THOC5: variants seen among roughly 807,000 people sequenced by gnomAD.
THOC5 encodes the protein THO complex subunit 5, also known as Fms-interacting protein.
Under a neutral mutation model 92.9 loss-of-function variants are expected in THOC5, and 43 were observed. The ratio of observed to expected loss-of-function variants is 0.46; its 90% CI spans 0.36 to 0.60. The LOEUF is 0.60. Among genes scored for constraint, THOC5 ranks in the 20% least tolerant of loss-of-function variants. The pLI is 0.00. For synonymous variants in THOC5, 296 were observed against 320.1 expected, an observed-to-expected ratio of 0.92 and a Z score of 0.80; for missense variants, 659 against 849.4, an observed-to-expected ratio of 0.78 and a Z score of 2.79.
Position 29,523,087 on chromosome 22 carries a change from C to G in THOC5, c.1176-1988G>C, listed in dbSNP as rs925127583. 3.5e-4 allele frequency among the ~76,000 whole-genome samples: 53 copies of G among 150,334 alleles called. 2 individuals are homozygous for G. Among genetic ancestry groups the G allele is most frequent in the African/African-American group, 2.5e-5 (1 of 40,796 alleles). ...CAAAACCCCATCTCCACTAAAAATACAAAAATCAGCCAGGCGTGGTGGCGC... is the reference window on the plus strand; with the variant it reads ...CAAAACCCCATCTCCACTAAAAATAGAAAAATCAGCCAGGCGTGGTGGCGC... On this transcript the variant is annotated intron_variant, in intron 12 of 19. Coordinates refer to ENST00000490103, the MANE Select transcript of THOC5 (RefSeq NM_003678.5).
intron 7 of THOC5, among the ~76,000 whole-genome samples, chr22:29,532,503 A>T (rs1175319692): frequency 6.7e-6 from 1 of 149,424 alleles, no homozygotes; most frequent in Non-Finnish European, 1.5e-5. Flanking sequence ...TCTCTACTAA[A>T]AAAAATACAA....
chr22:29,551,721 G>C (rs2064148664), intron 1 of THOC5, among the ~76,000 whole-genome samples: 1 of 151,972 alleles, frequency 6.6e-6, no homozygotes, highest in African/African-American at 2.4e-5. Flanking sequence ...ACTGCACTCA[G>C]TCTTGACAAC....
At chr22:29,537,342 T>A (rs2063779511) in intron 6 of THOC5, among the ~76,000 whole-genome samples, 1 of 152,068 alleles carries the variant, frequency 6.6e-6, no homozygotes, top group African/African-American at 2.4e-5. Context: ...GACACAAATT[T>A]CCTAAGAACC....
At chr22:29,525,315 G>A (rs2063521749) in intron 12 of THOC5, among the ~76,000 whole-genome samples, 1 of 152,014 alleles carries the variant, frequency 6.6e-6, no homozygotes, top group Non-Finnish European at 1.5e-5. Flanking sequence ...TGTAGTCAGG[G>A]CCTTCCTGGG....
intron 2 of THOC5, among the ~76,000 whole-genome samples, chr22:29,547,150 C>T (rs1025747783): frequency 2.6e-5 from 4 of 152,000 alleles, no homozygotes; most frequent in East Asian, 3.9e-4. Context: ...GGCCCTGTCA[C>T]CTTTTGAATG....
At chr22:29,549,780 C>T (rs1199106687) in intron 1 of THOC5, among the ~76,000 whole-genome samples, 2 of 152,100 alleles carry the variant, frequency 1.3e-5, no homozygotes, top group African/African-American at 2.4e-5. Context: ...CCAACCTCTG[C>T]TCCTAGCTGC....
chr22:29,545,112 C>T, intron 2 of THOC5: 1 of 425,852 alleles, frequency 2.3e-6, no homozygotes, highest in South Asian at 1.7e-5. Flanking sequence ...GTGAAAGGCA[C>T]TTCTTATGTG....
chr22:29,551,003 G>C (rs5763322), intron 1 of THOC5, among the ~76,000 whole-genome samples: 1 of 151,972 alleles, frequency 6.6e-6, no homozygotes, highest in Non-Finnish European at 1.5e-5. Flanking sequence ...ACAAAATCTA[G>C]CCAGAGTTTG....
intron 7 of THOC5, among the ~76,000 whole-genome samples, chr22:29,534,194 A>T (rs944591772): frequency 2.0e-5 from 3 of 152,208 alleles, no homozygotes; most frequent in African/African-American, 7.2e-5. Context: ...ATATACTATG[A>T]TTCTCTTTGT....
intron 2 of THOC5, among the ~76,000 whole-genome samples, chr22:29,548,349 A>C (rs1187007133): frequency 6.6e-6 from 1 of 152,132 alleles, no homozygotes; most frequent in Non-Finnish European, 1.5e-5. Context: ...TAAGCTCAGG[A>C]GTTTGAGACC....
chr22:29,516,771 C>T (rs2063340587), intron 17 of THOC5, among the ~76,000 whole-genome samples: 1 of 152,206 alleles, frequency 6.6e-6, no homozygotes, highest in African/African-American at 2.4e-5. Context: ...ACTGGGCTTG[C>T]AACTAAGCCT....
At position 29,544,577 on chromosome 22, in the gene THOC5, G is replaced by T; in HGVS notation, c.123C>A (p.Ala41=). 2 of 1,613,016 alleles carry T rather than the reference G, an allele frequency of 1.2e-6. No individual in the cohort carries two copies. The highest frequency in any genetic ancestry group is 1.7e-6 in the Non-Finnish European group (2 of 1,179,490). Residue 41 remains alanine (A), a synonymous_variant, in exon 3 of 20, where the codon GCC becomes GCA. Coordinates refer to ENST00000490103, the MANE Select transcript of THOC5 (RefSeq NM_003678.5). Reference sequence around the variant, plus strand: ...TGCCAGGGTCCCGCAGATCCACCTCGGCCTCCTCACTGTAGTATTTACCTT... The same window carrying T: ...TGCCAGGGTCCCGCAGATCCACCTCTGCCTCCTCACTGTAGTATTTACCTT... The part of the protein sequence containing the change: ...EQEGKYYSEE[A]EVDLRDPGRD...
At chr22:29,531,582 G>A in intron 8 of THOC5, 2 of 1,222,084 alleles carry the variant, frequency 1.6e-6, no homozygotes, top group Non-Finnish European at 2.0e-6. Context: ...CTGCACCCAA[G>A]AGCTGTCCAG....
At chr22:29,523,051 G>A (rs917635600) in intron 12 of THOC5, among the ~76,000 whole-genome samples, 1 of 149,970 alleles carries the variant, frequency 6.7e-6, no homozygotes, top group Non-Finnish European at 1.5e-5. Context: ...AGACTGGCCT[G>A]GCCAACATGG....
chr22:29,508,328 G>T lies in THOC5; in HGVS notation c.*129C>A. The T allele has an allele frequency of 1.0e-6, 1 of 967,270 alleles. No individual in the cohort carries two copies. Among genetic ancestry groups the T allele is most frequent in the Non-Finnish European group, 1.6e-6 (1 of 639,246 alleles). 59.9% of individuals were successfully genotyped at this position (967,270 alleles called of 1,614,324 possible). A position where few individuals can be genotyped will look rare whatever the true frequency, so the allele number is the denominator to read the frequency against. On this transcript the variant is annotated 3_prime_UTR_variant, in exon 20 of 20. Transcript: ENST00000490103. ...CAGGAACCACAGACAAAGGCCACTGGTCAGGTGACGCTTTTTAATTGGCTG... is the reference window on the plus strand; with the variant it reads ...CAGGAACCACAGACAAAGGCCACTGTTCAGGTGACGCTTTTTAATTGGCTG...
intron 1 of THOC5, among the ~76,000 whole-genome samples, chr22:29,549,457 C>G (rs765301455): frequency 4.9e-4 from 75 of 152,176 alleles, no homozygotes; most frequent in Non-Finnish European, 7.3e-4. Context: ...TAGAGGAGAC[C>G]TGCATTCAAG....
At chr22:29,513,580 T>A (rs961217989) in intron 17 of THOC5, among the ~76,000 whole-genome samples, 12 of 151,864 alleles carry the variant, frequency 7.9e-5, no homozygotes, top group Admixed American at 7.9e-4. Context: ...CCCAGCTGCT[T>A]AGGAGGCCAA....
intron 8 of THOC5, 49 bp from the exon 9 acceptor site, chr22:29,529,288 T>G (rs770793283): frequency 6.2e-7 from 1 of 1,601,846 alleles, no homozygotes; most frequent in South Asian, 1.1e-5. Flanking sequence ...GGAAAGCTGC[T>G]AAGCAGTGTG....
At chr22:29,521,181 T>C in intron 12 of THOC5, 82 bp from the exon 13 acceptor site, 2 of 1,018,876 alleles carry the variant, frequency 2.0e-6, no homozygotes, top group Non-Finnish European at 3.1e-6. Context: ...GGGATGGTAA[T>C]GCCACGTCTC....
Sources: gnomAD v4.1 joint callset for allele counts (sites outside exome capture counted in the v4.1 genomes callset) on GRCh38, gnomAD v4.1.1 for gene constraint, MANE v1.5 for transcripts, NCBI Gene and HGNC (gene_info 2026-07-23, HGNC 2026-07-21) for gene names.